CDK14: variants seen among roughly 807,000 people sequenced by gnomAD.
CDK14 encodes cyclin dependent kinase 14.
In CDK14, 34 loss-of-function variants were observed where a neutral mutation model predicts 60.7. That is an observed-to-expected ratio of 0.56 (90% CI 0.43 to 0.75). The LOEUF is 0.75. Among genes scored for constraint, CDK14 ranks in the 30% least tolerant of loss-of-function variants. CDK14 has a pLI of 0.00. For synonymous variants in CDK14, 197 were observed against 203.7 expected, an observed-to-expected ratio of 0.97 and a Z score of 0.28; for missense variants, 482 against 564.1, an observed-to-expected ratio of 0.85 and a Z score of 1.47.
chr7:90,729,183 A>T (rs191594020), intron 3 of CDK14, among the ~76,000 whole-genome samples: 2,326 of 151,778 alleles, frequency 0.015, 19 homozygotes, highest in Middle Eastern at 0.027. Context: ...GCCGAGGGAG[A>T]CTGGGGCAAA....
At chr7:91,119,061 A>T (rs181010443) in intron 14 of CDK14, among the ~76,000 whole-genome samples, 1 of 150,650 alleles carries the variant, frequency 6.6e-6, no homozygotes, top group African/African-American at 2.4e-5. Flanking sequence ...ACATACATAT[A>T]TATACATATA....
intron 2 of CDK14, among the ~76,000 whole-genome samples, chr7:90,652,157 C>T (rs528081513): frequency 1.2e-3 from 179 of 152,222 alleles, no homozygotes; most frequent in Admixed American, 3.0e-3. Flanking sequence ...ATTTCCAAAC[C>T]CTAATTCCCT....
chr7:91,013,700 T>C (rs1398845312), intron 10 of CDK14, among the ~76,000 whole-genome samples: 5 of 148,772 alleles, frequency 3.4e-5, no homozygotes, highest in African/African-American at 1.2e-4. Context: ...TGCTTCTCCT[T>C]GATTTACCTT....
chr7:90,990,187 G>A (rs909609734), intron 10 of CDK14, among the ~76,000 whole-genome samples: 1 of 152,162 alleles, frequency 6.6e-6, no homozygotes, highest in East Asian at 1.9e-4. Context: ...GTTGAGGTGG[G>A]AGGATCACTT....
At chr7:90,812,650 T>G (rs79326804) in intron 5 of CDK14, among the ~76,000 whole-genome samples, 12,396 of 152,092 alleles carry the variant, frequency 0.082, 648 homozygotes, top group Middle Eastern at 0.2. Flanking sequence ...GAATGGCTAA[T>G]AAGACCATGC....
intron 14 of CDK14, among the ~76,000 whole-genome samples, chr7:91,187,900 A>G (rs1030505027): frequency 4.6e-5 from 7 of 152,210 alleles, no homozygotes; most frequent in Admixed American, 3.9e-4. Context: ...TTCTCCTTAC[A>G]GTACGCACGG....
intron 2 of CDK14, among the ~76,000 whole-genome samples, chr7:90,649,195 G>C (rs1800533196): frequency 6.6e-6 from 1 of 151,766 alleles, no homozygotes; most frequent in Non-Finnish European, 1.5e-5. Context: ...CTCAGCTCCT[G>C]TCACTATTTC....
chr7:90,639,115 CCTT>C (rs1416760216), intron 2 of CDK14, among the ~76,000 whole-genome samples: 1 of 152,182 alleles, frequency 6.6e-6, no homozygotes, highest in Non-Finnish European at 1.5e-5. Context: ...TCGTCTGAAG[CCTT>C]CTTCTCTCAA....
At chr7:90,747,327 T>C (rs1803634016) in intron 3 of CDK14, among the ~76,000 whole-genome samples, 1 of 152,076 alleles carries the variant, frequency 6.6e-6, no homozygotes. Flanking sequence ...TCATAATTGA[T>C]TGAATAAAAA....
At chr7:91,062,025 C>T (rs181098650) in intron 11 of CDK14, among the ~76,000 whole-genome samples, 315 of 152,334 alleles carry the variant, frequency 2.1e-3, no homozygotes, top group African/African-American at 7.3e-3. Context: ...AGGCAGGCCT[C>T]CTTGAGCTGC....
chr7:90,932,097 G>A (rs1463271403), intron 8 of CDK14, among the ~76,000 whole-genome samples: 2 of 152,178 alleles, frequency 1.3e-5, no homozygotes, highest in African/African-American at 2.4e-5. Flanking sequence ...CAATTCGTGG[G>A]ATGGCTGTTG....
At chr7:90,690,784 T>G (rs1294249928) in intron 2 of CDK14, among the ~76,000 whole-genome samples, 1 of 152,094 alleles carries the variant, frequency 6.6e-6, no homozygotes, top group Non-Finnish European at 1.5e-5. Context: ...ATATAGCAAA[T>G]GTAGAGAATT....
chr7:90,953,454 C>T (rs370955569), intron 8 of CDK14, among the ~76,000 whole-genome samples: 11 of 152,126 alleles, frequency 7.2e-5, no homozygotes, highest in Non-Finnish European at 8.8e-5. Flanking sequence ...AGATAAAGCA[C>T]TTTTTTCTAT....
At position 91,073,825 on chromosome 7, in the gene CDK14, G is replaced by T. The variant is rs182777454; in HGVS notation, c.1106-5607G>T. The stretch of plus-strand genomic sequence containing the variant: ...GGAAAATTTACCAAGCAAATGAAAA[G>T]AAAAAAAAAAAGCAGAGGTTGCAGT... On this transcript the variant is annotated intron_variant, in intron 11 of 14. Transcript: ENST00000380050. Among the ~76,000 whole-genome samples, 234 of 137,588 alleles carry T rather than the reference G, an allele frequency of 1.7e-3. 3 individuals are homozygous for T. In the East Asian group the frequency reaches 0.039, roughly 23 times the overall value. 90.3% of individuals were successfully genotyped at this position (137,588 alleles called of 152,430 possible).
chr7:90,797,001 A>G (rs1175376392), intron 5 of CDK14, among the ~76,000 whole-genome samples: 2 of 151,814 alleles, frequency 1.3e-5, no homozygotes, highest in Non-Finnish European at 2.9e-5. Flanking sequence ...AAACCTACTG[A>G]TTTGTGTATG....
At chr7:90,614,353 A>G (rs1179974579) in intron 2 of CDK14, among the ~76,000 whole-genome samples, 1 of 152,182 alleles carries the variant, frequency 6.6e-6, no homozygotes, top group African/African-American at 2.4e-5. Context: ...AAAACTTATA[A>G]AAGGCATAAT....
chr7:90,894,007 G>A (rs1223517054), intron 6 of CDK14, among the ~76,000 whole-genome samples: 1 of 152,078 alleles, frequency 6.6e-6, no homozygotes, highest in African/African-American at 2.4e-5. Flanking sequence ...AAGTTCCTAG[G>A]GAACTTTTGA....
chr7:90,832,300 A>C (rs1303351260), intron 5 of CDK14, among the ~76,000 whole-genome samples: 1 of 152,180 alleles, frequency 6.6e-6, no homozygotes, highest in African/African-American at 2.4e-5. Context: ...CTTCTGTAGA[A>C]GTAATCTTCT....
chr7:91,003,028 C>T (rs1463495090), intron 10 of CDK14, among the ~76,000 whole-genome samples: 1 of 152,118 alleles, frequency 6.6e-6, no homozygotes, highest in Non-Finnish European at 1.5e-5. Context: ...GCCGAGATCA[C>T]GCCACTGCAC....
Sources: gnomAD v4.1 joint callset for allele counts (sites outside exome capture counted in the v4.1 genomes callset) on GRCh38, gnomAD v4.1.1 for gene constraint, MANE v1.5 for transcripts, NCBI Gene and HGNC (gene_info 2026-07-23, HGNC 2026-07-21) for gene names.